GLIS3: variants seen among roughly 807,000 people sequenced by gnomAD.
GLIS3 encodes zinc finger protein GLIS3.
Under a neutral mutation model 78.6 loss-of-function variants are expected in GLIS3, and 53 were observed. The ratio of observed to expected loss-of-function variants is 0.67; its 90% CI spans 0.54 to 0.85. GLIS3 has a LOEUF of 0.85. Among genes scored for constraint, GLIS3 ranks in the 40% least tolerant of loss-of-function variants. GLIS3 has a pLI of 0.00. For synonymous variants in GLIS3, 684 were observed against 509.9 expected, an observed-to-expected ratio of 1.34 and a Z score of -4.60; for missense variants, 1,703 against 1,231.1, an observed-to-expected ratio of 1.38 and a Z score of -5.74.
chr9:4,462,594 A>AACACACACACACACACAC, the GLIS3 span, among the ~76,000 whole-genome samples: 2 of 145,092 alleles, frequency 1.4e-5, no homozygotes, highest in South Asian at 4.5e-4. Context: ...CCATCTCTAT[A>AACACACACACACACACAC]ACACACACAC....
At chr9:4,375,667 T>A in the GLIS3 span, among the ~76,000 whole-genome samples, 1 of 152,192 alleles carries the variant, frequency 6.6e-6, no homozygotes, top group Non-Finnish European at 1.5e-5. Flanking sequence ...TCTACAGTCA[T>A]AAAACATGCT....
chr9:3,922,255 C>G (rs1350177793), intron 6 of GLIS3, among the ~76,000 whole-genome samples: 2 of 152,122 alleles, frequency 1.3e-5, no homozygotes, highest in African/African-American at 2.4e-5. Flanking sequence ...AATATATTCA[C>G]TATATACCAC....
chr9:3,913,350 G>A (rs940482247), intron 6 of GLIS3, among the ~76,000 whole-genome samples: 1 of 152,182 alleles, frequency 6.6e-6, no homozygotes, highest in Non-Finnish European at 1.5e-5. Context: ...TCAACAGTCA[G>A]TATAGTTTTT....
At chr9:4,313,305 G>A (rs1817392370) in intron 2 of GLIS3, among the ~76,000 whole-genome samples, 2 of 152,278 alleles carry the variant, frequency 1.3e-5, no homozygotes, top group Admixed American at 1.3e-4. Context: ...AGTTTGAGCA[G>A]CTGTCTTCTT....
chr9:3,974,119 C>T (rs1302064423), intron 4 of GLIS3, among the ~76,000 whole-genome samples: 2 of 152,130 alleles, frequency 1.3e-5, no homozygotes, highest in African/African-American at 4.8e-5. Context: ...ACCTTCCCAA[C>T]CATACATGAA....
chr9:4,325,045 G>A (rs994899693), intron 2 of GLIS3, among the ~76,000 whole-genome samples: 2 of 152,108 alleles, frequency 1.3e-5, no homozygotes, highest in African/African-American at 4.8e-5. Context: ...TAATTGCTGA[G>A]ACCACAGAAT....
the GLIS3 span, among the ~76,000 whole-genome samples, chr9:4,469,500 C>T: frequency 6.6e-6 from 1 of 152,078 alleles, no homozygotes; most frequent in African/African-American, 2.4e-5. Context: ...AACCGCTCAA[C>T]TACATGGAAA....
intron 4 of GLIS3, among the ~76,000 whole-genome samples, chr9:3,984,349 A>G (rs1819551227): frequency 1.3e-5 from 2 of 152,194 alleles, no homozygotes; most frequent in Non-Finnish European, 2.9e-5. Flanking sequence ...ATGGGAACAC[A>G]CCTCTTGCAT....
At chr9:4,215,212 C>A (rs1820710291) in intron 2 of GLIS3, among the ~76,000 whole-genome samples, 2 of 152,134 alleles carry the variant, frequency 1.3e-5, no homozygotes. Flanking sequence ...TACATGAAAG[C>A]CTTCCAACCT....
chr9:3,896,550 C>T (rs1304365954), intron 7 of GLIS3, among the ~76,000 whole-genome samples: 1 of 151,192 alleles, frequency 6.6e-6, no homozygotes, highest in Non-Finnish European at 1.5e-5. Context: ...CCTGTAGTCC[C>T]AGCTGCTAGG....
chr9:4,118,963 C>A lies in GLIS3; in HGVS notation c.597-82G>T. 7.2e-7 allele frequency: 1 copy of A among 1,384,808 alleles called. No homozygotes were observed. Among genetic ancestry groups the A allele is most frequent in the South Asian group, 1.2e-5 (1 of 80,892 alleles). The allele number at this position is 1,384,808 out of a possible 1,614,324, so 85.8% of individuals were successfully genotyped here. A position where few individuals can be genotyped will look rare whatever the true frequency, so the allele number is the denominator to read the frequency against. ...GGATTGCTTAAGAGCTAAAAGAACA[C>A]TGCATTGACAATCCCTTAAGTATTT... is the stretch of plus-strand genomic sequence containing the variant. On this transcript the variant is annotated intron_variant, in intron 3 of 10. Transcript: ENST00000381971. This position sits in a 1 kb window ranked among gnomAD's most constrained non-coding sequence, Gnocchi z 4.7.
chr9:3,868,828 TTGTTGTACATAGTGTTGTATAC>T (rs1820778783), intron 8 of GLIS3, among the ~76,000 whole-genome samples: 3 of 1,114 alleles, frequency 2.7e-3, no homozygotes, highest in Admixed American at 0.022. Flanking sequence ...TATACAACAC[TTGTTGTACATAGTGTTGTATAC>T]AACACTTGTT....
intron 2 of GLIS3, among the ~76,000 whole-genome samples, chr9:4,322,035 G>A (rs1052344237): frequency 1.1e-4 from 17 of 151,822 alleles, no homozygotes; most frequent in Admixed American, 5.2e-4. Flanking sequence ...CCCATCCCCC[G>A]AGCCCACGAC....
intron 3 of GLIS3, chr9:4,123,822 C>T (rs1832368983): frequency 2.5e-6 from 1 of 398,146 alleles, no homozygotes; most frequent in Admixed American, 4.4e-5. Flanking sequence ...GTGCTTGGTA[C>T]TTTTCCATGT....
the GLIS3 span, among the ~76,000 whole-genome samples, chr9:4,432,891 T>A: frequency 4.5e-3 from 678 of 152,192 alleles, 4 homozygotes; most frequent in Middle Eastern, 0.02. Flanking sequence ...GCCACCCGCC[T>A]CATCCTCCCA....
intron 2 of GLIS3, among the ~76,000 whole-genome samples, chr9:4,257,154 T>C (rs927553674): frequency 2.0e-5 from 3 of 152,186 alleles, no homozygotes; most frequent in African/African-American, 4.8e-5. Context: ...TGGAGTATTA[T>C]TAAGCCTTTA....
chr9:4,092,260 T>C (rs1829581615), intron 4 of GLIS3, among the ~76,000 whole-genome samples: 1 of 151,620 alleles, frequency 6.6e-6, no homozygotes, highest in Admixed American at 6.6e-5. Context: ...CACACCATTC[T>C]CCTGTCTCAG....
At chr9:4,255,154 T>C (rs1178743399) in intron 2 of GLIS3, among the ~76,000 whole-genome samples, 1 of 152,116 alleles carries the variant, frequency 6.6e-6, no homozygotes, top group Non-Finnish European at 1.5e-5. Flanking sequence ...ATTAAAATAA[T>C]AGTGAGATAC....
intron 2 of GLIS3, among the ~76,000 whole-genome samples, chr9:4,333,474 A>G (rs1817713601): frequency 6.6e-6 from 1 of 152,214 alleles, no homozygotes; most frequent in Non-Finnish European, 1.5e-5. Context: ...CTTAAAACAG[A>G]AGGAGAGATT....
Sources: allele counts gnomAD v4.1 joint callset (sites outside exome capture counted in the v4.1 genomes callset), GRCh38; gene constraint gnomAD v4.1.1; non-coding constraint Gnocchi (gnomAD v3.1); transcripts MANE v1.5; gene names NCBI Gene and HGNC (gene_info 2026-07-23, HGNC 2026-07-21).